Variants in ZNF892 observed in about 807,000 individuals in gnomAD.
ZNF892 encodes the protein zinc finger protein 570-like.
the ZNF892 span, among the ~76,000 whole-genome samples, chr2:95,233,845 A>G: frequency 1.3e-5 from 2 of 150,680 alleles, no homozygotes; most frequent in Non-Finnish European, 3.0e-5. Context: ...CTTGGGGGCT[A>G]ATTTTTGTAT....
chr2:95,228,754 T>C, the ZNF892 span, among the ~76,000 whole-genome samples: 1 of 152,174 alleles, frequency 6.6e-6, no homozygotes, highest in Admixed American at 6.5e-5. Context: ...ATCTCCACTT[T>C]CCACCTGGTG....
the ZNF892 span, among the ~76,000 whole-genome samples, chr2:95,235,300 A>G: frequency 6.6e-6 from 1 of 152,216 alleles, no homozygotes; most frequent in South Asian, 2.1e-4. Flanking sequence ...GTTGTAGTTT[A>G]ATGCACCTCC....
chr2:95,263,551 CAG>C, the ZNF892 span, among the ~76,000 whole-genome samples: 3 of 152,006 alleles, frequency 2.0e-5, no homozygotes, highest in Non-Finnish European at 4.4e-5. Flanking sequence ...AAAAATAAAA[CAG>C]TACAAAAAGA....
At chr2:95,221,407 C>T in the ZNF892 span, among the ~76,000 whole-genome samples, 13 of 152,088 alleles carry the variant, frequency 8.5e-5, no homozygotes, top group African/African-American at 2.4e-4. Context: ...CATTGATTTT[C>T]TGATGTTAAA....
chr2:95,262,113 G>C, the ZNF892 span, among the ~76,000 whole-genome samples: 3 of 152,230 alleles, frequency 2.0e-5, no homozygotes, highest in African/African-American at 7.2e-5. Context: ...TCAGTACTAT[G>C]TCATTTGCTT....
the ZNF892 span, among the ~76,000 whole-genome samples, chr2:95,215,941 TAA>T: frequency 6.6e-6 from 1 of 152,098 alleles, no homozygotes; most frequent in Admixed American, 6.5e-5. Flanking sequence ...ACTAACAATA[TAA>T]GTTTTAAAGA....
chr2:95,212,669 A>G, the ZNF892 span, among the ~76,000 whole-genome samples: 3 of 152,068 alleles, frequency 2.0e-5, no homozygotes, highest in Non-Finnish European at 4.4e-5. Context: ...TTCCCTTGCC[A>G]CCTTCTCTGT....
the ZNF892 span, among the ~76,000 whole-genome samples, chr2:95,263,215 C>A: frequency 2.0e-5 from 3 of 152,316 alleles, no homozygotes; most frequent in South Asian, 6.2e-4. Flanking sequence ...CCATGGCTAA[C>A]AGCCAGCAAG....
At chr2:95,249,538 T>G in the ZNF892 span, among the ~76,000 whole-genome samples, 2 of 151,844 alleles carry the variant, frequency 1.3e-5, no homozygotes, top group African/African-American at 4.8e-5. Flanking sequence ...TGAGTCACAG[T>G]GCCCGGCCTT....
the ZNF892 span, among the ~76,000 whole-genome samples, chr2:95,219,843 G>T: frequency 5.3e-5 from 8 of 152,138 alleles, no homozygotes; most frequent in East Asian, 1.2e-3. Flanking sequence ...AATACTGCTC[G>T]GCAAGGGTGG....
At chr2:95,226,774 G>A in the ZNF892 span, among the ~76,000 whole-genome samples, 7 of 152,096 alleles carry the variant, frequency 4.6e-5, no homozygotes, top group South Asian at 4.2e-4. Flanking sequence ...TTAGGCCCAC[G>A]TGTCCCTGTG....
chr2:95,218,378 A>T, the ZNF892 span, among the ~76,000 whole-genome samples: 1 of 151,970 alleles, frequency 6.6e-6, no homozygotes, highest in African/African-American at 2.4e-5. Flanking sequence ...CAGTTTCATC[A>T]CTCTCAAGTT....
At chr2:95,216,831 G>T in the ZNF892 span, among the ~76,000 whole-genome samples, 1 of 151,936 alleles carries the variant, frequency 6.6e-6, no homozygotes, top group African/African-American at 2.4e-5. Context: ...ATACATTTTA[G>T]CCCCCACCTT....
the ZNF892 span, among the ~76,000 whole-genome samples, chr2:95,236,123 ATCTG>A: frequency 6.6e-6 from 1 of 152,180 alleles, no homozygotes; most frequent in Non-Finnish European, 1.5e-5. Context: ...AGTTCCTTAA[ATCTG>A]TCTGGTCATA....
At chr2:95,221,904 T>C in the ZNF892 span, among the ~76,000 whole-genome samples, 2 of 152,170 alleles carry the variant, frequency 1.3e-5, no homozygotes, top group Non-Finnish European at 2.9e-5. Context: ...GTGGTTATAA[T>C]AGTTCCTTCT....
chr2:95,230,627 C>A, the ZNF892 span, among the ~76,000 whole-genome samples: 1 of 152,200 alleles, frequency 6.6e-6, no homozygotes, highest in East Asian at 1.9e-4. Context: ...GGCAGACCCC[C>A]GCGCTGGCTC....
At chr2:95,224,864 T>C in the ZNF892 span, among the ~76,000 whole-genome samples, 1 of 152,226 alleles carries the variant, frequency 6.6e-6, no homozygotes, top group South Asian at 2.1e-4. Context: ...GGGTCTGTTA[T>C]CACAGGAGTG....
At chr2:95,224,799 A>G in the ZNF892 span, among the ~76,000 whole-genome samples, 18 of 152,168 alleles carry the variant, frequency 1.2e-4, no homozygotes, top group Admixed American at 2.0e-4. Flanking sequence ...TGGGAGGTCA[A>G]TGGATTATGG....
the ZNF892 span, among the ~76,000 whole-genome samples, chr2:95,243,780 C>T: frequency 9.2e-5 from 14 of 152,118 alleles, no homozygotes; most frequent in African/African-American, 2.6e-4. Context: ...CGCCTCAGCC[C>T]GGCCGCCCCT....
Sources: allele counts gnomAD v4.1 joint callset (sites outside exome capture counted in the v4.1 genomes callset), GRCh38; gene constraint gnomAD v4.1.1; transcripts MANE v1.5; gene names NCBI Gene and HGNC (gene_info 2026-07-23, HGNC 2026-07-21).